MSRA: variants seen among roughly 807,000 people sequenced by gnomAD.
The protein encoded by MSRA is methionine sulfoxide reductase A, also known as mitochondrial peptide methionine sulfoxide reductase.
Under a neutral mutation model 31.3 loss-of-function variants are expected in MSRA, and 54 were observed. The observed-to-expected ratio is 1.73, with a 90% confidence interval of 1.39 to 2.17. The LOEUF (loss-of-function observed/expected upper bound fraction) is 2.17, where lower values mean the gene tolerates loss of function less well. Ranked by LOEUF, MSRA falls within the 30% of genes most tolerant of loss-of-function variation. MSRA has a pLI of 0.00. For missense variants in MSRA, 507 were observed against 300.9 expected (o/e 1.69, Z -5.07); for synonymous variants, 169 against 116.5 (o/e 1.45, Z -2.90).
intron 3 of MSRA, among the ~76,000 whole-genome samples, chr8:10,253,201 A>C (rs909394388): frequency 6.6e-6 from 1 of 152,234 alleles, no homozygotes; most frequent in Non-Finnish European, 1.5e-5. Context: ...GCCATTGGCT[A>C]AAGACTCCAA....
intron 1 of MSRA, among the ~76,000 whole-genome samples, chr8:10,201,881 T>C (rs1808531896): frequency 6.6e-6 from 1 of 152,224 alleles, no homozygotes; most frequent in Non-Finnish European, 1.5e-5. Flanking sequence ...GCAGAGGTTG[T>C]CCTCCCAGAG....
At chr8:10,100,867 C>T (rs572072979) in intron 1 of MSRA, among the ~76,000 whole-genome samples, 2 of 152,104 alleles carry the variant, frequency 1.3e-5, no homozygotes, top group African/African-American at 2.4e-5. Context: ...TAGAATACCC[C>T]TTATGTGTGG....
At chr8:10,388,675 A>C (rs1289096162) in intron 5 of MSRA, among the ~76,000 whole-genome samples, 3 of 152,110 alleles carry the variant, frequency 2.0e-5, no homozygotes, top group African/African-American at 7.2e-5. Flanking sequence ...CACACAGTCC[A>C]ACCCCTTCTT....
chr8:10,170,565 T>C (rs1019742788), intron 1 of MSRA, among the ~76,000 whole-genome samples: 2 of 152,166 alleles, frequency 1.3e-5, no homozygotes, highest in African/African-American at 4.8e-5. Flanking sequence ...CAAAAATGTT[T>C]TTAAAAAAAA....
At chr8:10,141,979 A>G (rs112969257) in intron 1 of MSRA, among the ~76,000 whole-genome samples, 2 of 152,184 alleles carry the variant, frequency 1.3e-5, no homozygotes, top group African/African-American at 2.4e-5. Context: ...TTGTTTGGAG[A>G]TGGAGTTTCG....
chr8:10,108,575 T>A (rs1411377422), intron 1 of MSRA, among the ~76,000 whole-genome samples: 1 of 152,200 alleles, frequency 6.6e-6, no homozygotes. Context: ...GGCACTGTCA[T>A]ATTATTCATG....
chr8:10,391,066 A>G (rs928026654), intron 5 of MSRA, among the ~76,000 whole-genome samples: 7 of 152,072 alleles, frequency 4.6e-5, no homozygotes, highest in African/African-American at 1.7e-4. Flanking sequence ...ACGTTCTGGC[A>G]CTTCAAAAAA....
At chr8:10,335,098 C>A (rs11992476) in intron 5 of MSRA, among the ~76,000 whole-genome samples, 1,715 of 152,328 alleles carry the variant, frequency 0.011, 38 homozygotes, top group African/African-American at 0.039. Flanking sequence ...GGGACCGCCC[C>A]CCGCACCGTG....
chr8:10,354,748 GTGTATATATATA>G lies in MSRA; in HGVS notation c.543+34761_543+34772del, dbSNP rs1196603308. Reference sequence around the variant, plus strand: ...AGTTATGTAATATGTGTGTGTGTGTGTGTATATATATATATATATATATATATATACCAGTTA... The same window carrying G: ...AGTTATGTAATATGTGTGTGTGTGTGTATATATATATATATATACCAGTTA... On this transcript the variant is annotated intron_variant, in intron 5 of 5. Transcript: ENST00000317173. 2.5e-3 allele frequency among the ~76,000 whole-genome samples: 323 copies of G among 129,018 alleles called. 5 individuals are homozygous for G. Among genetic ancestry groups the G allele is most frequent in the African/African-American group, 9.3e-3 (311 of 33,282 alleles). 84.6% of individuals were successfully genotyped at this position (129,018 alleles called of 152,430 possible).
At chr8:10,209,745 C>A (rs566177992) in intron 2 of MSRA, among the ~76,000 whole-genome samples, 1 of 152,176 alleles carries the variant, frequency 6.6e-6, no homozygotes, top group African/African-American at 2.4e-5. Context: ...TTACCTCTTA[C>A]GCCTTCAGGA....
chr8:10,327,938 A>C (rs1802461130), intron 5 of MSRA, among the ~76,000 whole-genome samples: 1 of 151,622 alleles, frequency 6.6e-6, no homozygotes, highest in South Asian at 2.1e-4. Flanking sequence ...GAACAACAAC[A>C]ACAACAACAA....
chr8:10,070,561 A>G (rs187954286), intron 1 of MSRA, among the ~76,000 whole-genome samples: 12 of 152,340 alleles, frequency 7.9e-5, no homozygotes, highest in Non-Finnish European at 1.2e-4. Context: ...CGTCATTACA[A>G]CGAGGATATT....
rs1802339966 is a variant in MSRA at position 10,055,982 on chromosome 8, A to G, written c.142+1324A>G. On this transcript the variant is annotated intron_variant, in intron 1 of 5. Transcript: ENST00000317173. ...AGAGATTGAGTTTTGAAACAAATCT[A>G]GATTAGTAAACATCTATACTTATAT... 2.0e-5 allele frequency among the ~76,000 whole-genome samples: 3 copies of G among 152,138 alleles called. No homozygotes were observed. The South Asian group carries it at 6.2e-4, about 31-fold the overall frequency.
intron 5 of MSRA, among the ~76,000 whole-genome samples, chr8:10,408,272 C>A (rs889476547): frequency 6.6e-6 from 1 of 152,196 alleles, no homozygotes; most frequent in Non-Finnish European, 1.5e-5. Context: ...CGTGGTGGCT[C>A]ATGCTTGTAA....
At chr8:10,181,949 TTAAG>T (rs1806579382) in intron 1 of MSRA, among the ~76,000 whole-genome samples, 1 of 152,100 alleles carries the variant, frequency 6.6e-6, no homozygotes, top group Admixed American at 6.6e-5. Flanking sequence ...GAGCAGGAGA[TTAAG>T]TAAGAAATTT....
Position 10,427,872 on chromosome 8 carries a change from A to T in MSRA, c.544-276A>T, listed in dbSNP as rs542424480. On this transcript the variant is annotated intron_variant, in intron 5 of 5. Coordinates refer to ENST00000317173, the MANE Select transcript of MSRA (RefSeq NM_012331.5). ...GTCCAAACCAGGGCCCCCAACATGC[A>T]CTTGGGATGGCAGGGGTGTGGGGGT... Among the ~76,000 whole-genome samples the T allele has an allele frequency of 4.6e-5, 7 of 152,294 alleles. No individual in the cohort carries two copies. The East Asian group carries it at 1.2e-3, about 25-fold the overall frequency.
At chr8:10,271,933 C>G (rs1799065304) in intron 3 of MSRA, among the ~76,000 whole-genome samples, 2 of 152,150 alleles carry the variant, frequency 1.3e-5, no homozygotes, top group African/African-American at 4.8e-5. Flanking sequence ...GTCTCGAACT[C>G]TCAACCTAAG....
intron 5 of MSRA, among the ~76,000 whole-genome samples, chr8:10,327,081 C>T (rs17708090): frequency 0.082 from 12,515 of 152,138 alleles, 743 homozygotes; most frequent in Non-Finnish European, 0.13. Flanking sequence ...GTATTTCTCT[C>T]GCGAAAAAGA....
At chr8:10,290,691 G>A (rs570824753) in intron 3 of MSRA, among the ~76,000 whole-genome samples, 1 of 152,168 alleles carries the variant, frequency 6.6e-6, no homozygotes, top group African/African-American at 2.4e-5. Flanking sequence ...CACTCTCCTT[G>A]TGTAGCCCAC....
Sources: allele counts gnomAD v4.1 joint callset (sites outside exome capture counted in the v4.1 genomes callset), GRCh38; gene constraint gnomAD v4.1.1; transcripts MANE v1.5; gene names NCBI Gene and HGNC (gene_info 2026-07-23, HGNC 2026-07-21).